The following TARBP1 variants were observed in gnomAD, a reference collection of about 807,000 sequenced individuals.
TARBP1 encodes tRNA guanosine 2 -O-methyltransferase TARBP1.
In TARBP1, 144 loss-of-function variants were observed where a neutral mutation model predicts 178.6. The ratio of observed to expected loss-of-function variants is 0.81; its 90% CI spans 0.70 to 0.93. The LOEUF is 0.93. Ranked by LOEUF, TARBP1 falls within the 40% of genes least tolerant of loss-of-function variation. TARBP1 has a pLI of 0.00. For missense variants in TARBP1, 2,067 were observed against 2,011.7 expected (o/e 1.03, Z -0.53); for synonymous variants, 787 against 781.0 (o/e 1.01, Z -0.13).
chr1:234,459,008 G>A (rs1667572700), intron 8 of TARBP1, among the ~76,000 whole-genome samples: 1 of 152,220 alleles, frequency 6.6e-6, no homozygotes, highest in Non-Finnish European at 1.5e-5. Flanking sequence ...GCCACTCTTA[G>A]CAGTTAGGAT....
intron 20 of TARBP1, among the ~76,000 whole-genome samples, chr1:234,424,947 G>A (rs1663543494): frequency 6.6e-6 from 1 of 152,108 alleles, no homozygotes; most frequent in African/African-American, 2.4e-5. Context: ...TGTAGTCCCA[G>A]CTACTCGGGA....
chr1:234,427,670 T>G lies in TARBP1; in HGVS notation c.3157A>C (p.Asn1053His). 6.3e-7 allele frequency: 1 copy of G among 1,584,418 alleles called. No individual in the cohort carries two copies. The highest frequency in any genetic ancestry group is 8.5e-7 in the Non-Finnish European group (1 of 1,170,934). ...CCQSWIVSAS[N>H]VSQGSLSSAK... ...CTTGATAAAGATCCTTGGGACACAT[T>G]TGAAGCAGACACTATCCAAGACTGA... The change falls in exon 18 of 30, where the codon AAT (asparagine) becomes CAT (histidine). Residue 1053 changes from asparagine to histidine, a missense_variant. By Grantham distance (68) the Asn-to-His change is moderately conservative (BLOSUM62 1). Transcript: ENST00000040877.
chr1:234,402,026 C>A (rs1031228922), intron 24 of TARBP1, among the ~76,000 whole-genome samples: 1 of 152,226 alleles, frequency 6.6e-6, no homozygotes, highest in African/African-American at 2.4e-5. Flanking sequence ...TCTCCCCCAA[C>A]TTCCGCATCT....
At chr1:234,463,957 A>G in intron 5 of TARBP1, 23 bp from the exon 6 acceptor site, 1 of 1,472,588 alleles carries the variant, frequency 6.8e-7, no homozygotes, top group South Asian at 1.3e-5. Flanking sequence ...AGTGGGGAAA[A>G]CAAATATTTA....
chr1:234,472,636 T>C, intron 2 of TARBP1, 78 bp downstream of exon 2: 1 of 931,688 alleles, frequency 1.1e-6, no homozygotes, highest in African/African-American at 1.7e-5. Context: ...AGTCTCTTTG[T>C]ATCGCTTTTA....
At chr1:234,424,254 G>C (rs550143750) in intron 20 of TARBP1, among the ~76,000 whole-genome samples, 2 of 152,172 alleles carry the variant, frequency 1.3e-5, no homozygotes, top group African/African-American at 4.8e-5. Context: ...ACAGGTAACT[G>C]TATCTGTCAT....
chr1:234,436,115 G>T (rs985620831), intron 13 of TARBP1, among the ~76,000 whole-genome samples: 32 of 152,094 alleles, frequency 2.1e-4, no homozygotes, highest in African/African-American at 7.2e-4. Context: ...GCATCTAAAA[G>T]ATAAAGTAAC....
At chr1:234,396,962 G>T (rs1659999571) in intron 26 of TARBP1, among the ~76,000 whole-genome samples, 2 of 151,526 alleles carry the variant, frequency 1.3e-5, no homozygotes, top group African/African-American at 4.9e-5. Context: ...GCACAGAATG[G>T]GCAGGTGCAA....
At position 234,391,753 on chromosome 1, in the gene TARBP1, A is replaced by T; in HGVS notation, c.4698-8T>A. ...ATTCCCTCACGTTCATTTCTGAGGA[A>T]GAAAATGGAAGAAAGATTAGTTTTC... On this transcript the variant is annotated splice_polypyrimidine_tract_variant and splice_region_variant and intron_variant, in intron 29 of 29. Transcript: ENST00000040877. 1 of 1,608,884 alleles carries T rather than the reference A, an allele frequency of 6.2e-7. No individual in the cohort carries two copies. Among genetic ancestry groups the T allele is most frequent in the Non-Finnish European group, 8.5e-7 (1 of 1,177,942 alleles).
chr1:234,467,394 T>C (rs561582338), intron 4 of TARBP1, 108 bp downstream of exon 4: 81 of 1,126,708 alleles, frequency 7.2e-5, no homozygotes, highest in Non-Finnish European at 9.6e-5. Flanking sequence ...AAATATGATT[T>C]GTTGGATGCA....
At chr1:234,430,410 G>T (rs910003389) in intron 14 of TARBP1, 109 bp from the exon 15 acceptor site, 37 of 880,900 alleles carry the variant, frequency 4.2e-5, no homozygotes, top group Non-Finnish European at 6.0e-5. Flanking sequence ...CCCTCTTCCT[G>T]CCTGCTCCTG....
At chr1:234,424,949 TAC>T (rs1358610377) in intron 20 of TARBP1, among the ~76,000 whole-genome samples, 1 of 151,974 alleles carries the variant, frequency 6.6e-6, no homozygotes, top group Non-Finnish European at 1.5e-5. Context: ...TAGTCCCAGC[TAC>T]TCGGGAGGCT....
At position 234,450,554 on chromosome 1, in the gene TARBP1, G is replaced by C; in HGVS notation, c.1735C>G (p.Leu579Val). 6.2e-7 allele frequency: 1 copy of C among 1,607,846 alleles called. No homozygotes were observed. The highest frequency in any genetic ancestry group is 8.5e-7 in the Non-Finnish European group (1 of 1,178,178). Residue 579 changes from leucine (L) to valine (V), a missense_variant, in exon 10 of 30, where the codon CTA (leucine) becomes GTA (valine). Physicochemically the swap from Leu to Val is conservative, Grantham distance 32. Transcript: ENST00000040877. ...TTAAAATAGCTTTCATTAACACGTA[G>C]CCAGTCACACAGCTGGAAAAGAAAA... ...TSLWTELCDWLRVNESYFKPS... is the reference protein window; with the variant it reads ...TSLWTELCDWVRVNESYFKPS...
intron 7 of TARBP1, 65 bp downstream of exon 7, chr1:234,460,182 TAAAGCAGAGGAGAA>T: frequency 1.4e-6 from 2 of 1,460,032 alleles, no homozygotes; most frequent in South Asian, 3.0e-5. Flanking sequence ...TACTGTAGAT[TAAAGCAGAGGAGAA>T]AATATATATA....
At chr1:234,404,989 A>G (rs1399020379) in intron 24 of TARBP1, among the ~76,000 whole-genome samples, 1 of 152,188 alleles carries the variant, frequency 6.6e-6, no homozygotes, top group African/African-American at 2.4e-5. Context: ...CCAGCCCCAT[A>G]TGAAGCTACA....
Position 234,391,358 on chromosome 1 carries a change from A to G in TARBP1, c.*219T>C. ...TGTTTTATTTCCACAATTGCTTAAAATATTTTATTAAAGGAAGAATACAAT... is the reference window on the plus strand; with the variant it reads ...TGTTTTATTTCCACAATTGCTTAAAGTATTTTATTAAAGGAAGAATACAAT... On this transcript the variant is annotated 3_prime_UTR_variant, in exon 30 of 30. Coordinates refer to ENST00000040877, the MANE Select transcript of TARBP1 (RefSeq NM_005646.4). The G allele has an allele frequency of 2.4e-6, 1 of 414,882 alleles. No homozygotes were observed. Among genetic ancestry groups the G allele is most frequent in the South Asian group, 6.7e-5 (1 of 14,824 alleles). 25.7% of individuals were successfully genotyped at this position (414,882 alleles called of 1,614,324 possible).
At chr1:234,420,366 G>A (rs977593536) in intron 21 of TARBP1, among the ~76,000 whole-genome samples, 2 of 152,136 alleles carry the variant, frequency 1.3e-5, no homozygotes, top group East Asian at 1.9e-4. Flanking sequence ...CCAAAATAAC[G>A]TAGCTACAGA....
rs558438519 is a variant in TARBP1 at position 234,454,028 on chromosome 1, T to C, written c.1723-3462A>G. 3.3e-5 allele frequency among the ~76,000 whole-genome samples: 5 copies of C among 152,336 alleles called. No individual in the cohort carries two copies. The South Asian group carries it at 1.0e-3, about 32-fold the overall frequency. Reference sequence around the variant, plus strand: ...GGAACAGATGAAGAAATCTAAGAGCTGGCTCCTTAAAAACAAATAATACAA... The same window carrying C: ...GGAACAGATGAAGAAATCTAAGAGCCGGCTCCTTAAAAACAAATAATACAA... On this transcript the variant is annotated intron_variant, in intron 9 of 29. Coordinates refer to ENST00000040877, the MANE Select transcript of TARBP1 (RefSeq NM_005646.4).
At chr1:234,441,835 T>A (rs1665629216) in intron 12 of TARBP1, among the ~76,000 whole-genome samples, 1 of 152,196 alleles carries the variant, frequency 6.6e-6, no homozygotes, top group African/African-American at 2.4e-5. Context: ...ACCTTTCCCT[T>A]AAGATAATGT....
Sources: allele counts gnomAD v4.1 joint callset (sites outside exome capture counted in the v4.1 genomes callset), GRCh38; gene constraint gnomAD v4.1.1; transcripts MANE v1.5; gene names NCBI Gene and HGNC (gene_info 2026-07-23, HGNC 2026-07-21).